NAA11: variants seen among roughly 807,000 people sequenced by gnomAD.
NAA11 encodes N-alpha-acetyltransferase 11, NatA catalytic subunit.
In NAA11, 15 loss-of-function variants were observed where a neutral mutation model predicts 16.1. The ratio of observed to expected loss-of-function variants is 0.93; its 90% CI spans 0.62 to 1.44. The LOEUF is 1.44. Ranked by LOEUF, NAA11 falls within the 40% of genes most tolerant of loss-of-function variation. The pLI, the probability that NAA11 is intolerant of heterozygous loss-of-function variation, is 0.00. For missense variants in NAA11, 298 were observed against 291.3 expected, an observed-to-expected ratio of 1.02 and a Z score of -0.17; for synonymous variants, 122 against 112.4, an observed-to-expected ratio of 1.09 and a Z score of -0.54.
chr4:79,296,071 A>G (rs969614537), intron 1 of NAA11, among the ~76,000 whole-genome samples: 4 of 152,206 alleles, frequency 2.6e-5, no homozygotes, highest in African/African-American at 9.6e-5. Flanking sequence ...TACTTTCACT[A>G]AACCAAATTC....
chr4:79,202,061 C>A, the NAA11 span, among the ~76,000 whole-genome samples: 1 of 151,364 alleles, frequency 6.6e-6, no homozygotes, highest in South Asian at 2.1e-4. Flanking sequence ...ATTCAAAATC[C>A]TCTCCTACTC....
At chr4:79,305,085 G>A (rs1241974213) in intron 1 of NAA11, 1 of 152,128 alleles carries the variant, frequency 6.6e-6, no homozygotes, top group Non-Finnish European at 1.5e-5. Context: ...GTCTTCATGG[G>A]CTGAATTCTT....
At chr4:79,261,139 C>T (rs192099651) in intron 2 of NAA11, among the ~76,000 whole-genome samples, 1 of 152,298 alleles carries the variant, frequency 6.6e-6, no homozygotes, top group African/African-American at 2.4e-5. Context: ...TTTGAGGATG[C>T]TCTAACAAAG....
intron 2 of NAA11, among the ~76,000 whole-genome samples, chr4:79,268,642 CATAAGGAATCCTTTCTTCCT>C (rs1208855996): frequency 2.0e-5 from 3 of 152,098 alleles, no homozygotes; most frequent in Admixed American, 1.3e-4. Context: ...CAAATGACTG[CATAAGGAATCCTTTCTTCCT>C]CTAAATTGAA....
At chr4:79,289,547 T>G (rs993124929) in intron 2 of NAA11, among the ~76,000 whole-genome samples, 6 of 152,188 alleles carry the variant, frequency 3.9e-5, no homozygotes, top group African/African-American at 1.4e-4. Flanking sequence ...AATTACCCTG[T>G]GGAATATGTT....
chr4:79,168,305 A>G, the NAA11 span, among the ~76,000 whole-genome samples: 5 of 152,242 alleles, frequency 3.3e-5, no homozygotes, highest in East Asian at 7.7e-4. Flanking sequence ...AGTCTTTGCT[A>G]TTGTGAACAG....
the NAA11 span, among the ~76,000 whole-genome samples, chr4:79,180,051 T>G: frequency 6.6e-6 from 1 of 152,184 alleles, no homozygotes; most frequent in Non-Finnish European, 1.5e-5. Flanking sequence ...ATGATTCATT[T>G]ACCTCCATCT....
intron 2 of NAA11, among the ~76,000 whole-genome samples, chr4:79,273,318 G>C (rs1722544856): frequency 6.6e-6 from 1 of 151,926 alleles, no homozygotes; most frequent in African/African-American, 2.4e-5. Flanking sequence ...AATAGATGAG[G>C]TTCCATTATT....
At chr4:79,251,166 G>T (rs557034943) in intron 2 of NAA11, among the ~76,000 whole-genome samples, 4 of 152,206 alleles carry the variant, frequency 2.6e-5, no homozygotes, top group Non-Finnish European at 5.9e-5. Flanking sequence ...CCAAAAAGAC[G>T]CATGTACCCT....
At chr4:79,179,611 A>G in the NAA11 span, among the ~76,000 whole-genome samples, 7 of 152,182 alleles carry the variant, frequency 4.6e-5, no homozygotes, top group South Asian at 1.4e-3. Flanking sequence ...GGAAGGCAGG[A>G]GAAGGACAGA....
chr4:79,211,131 A>T, the NAA11 span, among the ~76,000 whole-genome samples: 2 of 152,164 alleles, frequency 1.3e-5, no homozygotes, highest in Non-Finnish European at 2.9e-5. Flanking sequence ...ATTAGTTGTG[A>T]GTCCAGAACC....
intron 2 of NAA11, among the ~76,000 whole-genome samples, chr4:79,272,858 A>G (rs570879627): frequency 3.9e-5 from 6 of 151,966 alleles, no homozygotes; most frequent in Admixed American, 3.9e-4. Flanking sequence ...TTGAATTGCT[A>G]GAGATGGTTG....
chr4:79,209,479 A>G, the NAA11 span, among the ~76,000 whole-genome samples: 2 of 152,272 alleles, frequency 1.3e-5, no homozygotes, highest in Non-Finnish European at 2.9e-5. Context: ...GGCCCAAAAA[A>G]GTTAATACAT....
At chr4:79,208,426 TATAA>T in the NAA11 span, among the ~76,000 whole-genome samples, 21 of 152,306 alleles carry the variant, frequency 1.4e-4, no homozygotes, top group Middle Eastern at 6.8e-3. Context: ...TTATACTTTC[TATAA>T]AGGACTTCCA....
chr4:79,262,628 C>A (rs1458733736), intron 2 of NAA11, among the ~76,000 whole-genome samples: 1 of 152,090 alleles, frequency 6.6e-6, no homozygotes, highest in African/African-American at 2.4e-5. Flanking sequence ...CTACCAGAAG[C>A]CTAAGGACAA....
At chr4:79,233,343 G>A (rs1045651910) in intron 2 of NAA11, among the ~76,000 whole-genome samples, 2 of 151,806 alleles carry the variant, frequency 1.3e-5, no homozygotes, top group African/African-American at 4.8e-5. Context: ...TTAGCTATGT[G>A]ACCATATCTT....
intron 1 of NAA11, among the ~76,000 whole-genome samples, chr4:79,300,407 A>G (rs556284406): frequency 1.8e-4 from 27 of 151,270 alleles, no homozygotes; most frequent in African/African-American, 5.8e-4. Flanking sequence ...CTGCACTTCT[A>G]TTGCTTCTTC....
the NAA11 span, among the ~76,000 whole-genome samples, chr4:79,166,580 G>A: frequency 6.9e-6 from 1 of 145,142 alleles, no homozygotes; most frequent in Non-Finnish European, 1.5e-5. Flanking sequence ...CTCCTGCCTG[G>A]GGTCTCCCAA....
At chr4:79,302,112 G>A (rs150226485) in intron 1 of NAA11, among the ~76,000 whole-genome samples, 1,688 of 152,110 alleles carry the variant, frequency 0.011, 19 homozygotes, top group South Asian at 0.023. Flanking sequence ...ATGTGCATAC[G>A]GGATACAAGG....
Sources: gnomAD v4.1 joint callset for allele counts (sites outside exome capture counted in the v4.1 genomes callset) on GRCh38, gnomAD v4.1.1 for gene constraint, MANE v1.5 for transcripts, NCBI Gene and HGNC (gene_info 2026-07-23, HGNC 2026-07-21) for gene names.